ELMO1: variants seen among roughly 807,000 people sequenced by gnomAD.
The protein encoded by ELMO1 is engulfment and cell motility 1.
A neutral mutation model predicts 98.9 loss-of-function variants in ELMO1; 26 were observed. That is an observed-to-expected ratio of 0.26 (90% CI 0.19 to 0.36). The LOEUF (loss-of-function observed/expected upper bound fraction) is 0.36. Among genes scored for constraint, ELMO1 ranks in the 10% least tolerant of loss-of-function variants. ELMO1 has a pLI of 1.00. For missense variants in ELMO1, 627 were observed against 935.2 expected, an observed-to-expected ratio of 0.67 and a Z score of 4.30; for synonymous variants, 346 against 346.0, an observed-to-expected ratio of 1.00 and a Z score of 0.00.
chr7:37,404,904 C>T (rs1803689515), intron 1 of ELMO1, among the ~76,000 whole-genome samples: 1 of 152,152 alleles, frequency 6.6e-6, no homozygotes, highest in African/African-American at 2.4e-5. Flanking sequence ...ATCCTTTCCC[C>T]TCTTTGTTCC....
rs1013262417 is a variant in ELMO1, at chr7:36,853,138, C to G, written c.*2413G>C. 6.6e-6 allele frequency among the ~76,000 whole-genome samples: 1 copy of G among 152,138 alleles called. No homozygotes were observed. Among genetic ancestry groups the G allele is most frequent in the Non-Finnish European group, 1.5e-5 (1 of 68,032 alleles). ...AGGTGAGGTGGCCAAATATGGGCAA[C>G]AATCCTTCCCCACATGGTCACAAAA... On this transcript the variant is annotated 3_prime_UTR_variant, in exon 22 of 22. Coordinates refer to ENST00000310758, the MANE Select transcript of ELMO1 (RefSeq NM_014800.11).
chr7:36,925,257 C>A, intron 16 of ELMO1, among the ~76,000 whole-genome samples: 1 of 152,192 alleles, frequency 6.6e-6, no homozygotes, highest in South Asian at 2.1e-4. Context: ...AAAAATAAAA[C>A]CATTTTTATA....
At position 36,855,482 on chromosome 7, in the gene ELMO1, G is replaced by T; in HGVS notation, c.*69C>A. 1 of 1,596,284 alleles carries T rather than the reference G, an allele frequency of 6.3e-7. No homozygotes were observed. On this transcript the variant is annotated 3_prime_UTR_variant, in exon 22 of 22. Transcript: ENST00000310758. This position sits in a 1 kb window ranked among gnomAD's most constrained non-coding sequence, Gnocchi z 4.2. ...AAGGACGGTTCCAAGGCGTGGGTGT[G>T]TTTTCATTCCTCTCTCCTGTTAGCT...
chr7:37,134,425 GGC>G (rs1391048010), intron 13 of ELMO1, among the ~76,000 whole-genome samples: 11 of 151,968 alleles, frequency 7.2e-5, no homozygotes, highest in Non-Finnish European at 1.5e-5. Context: ...TGGGTGTGGT[GGC>G]GCGCGCCTGT....
intron 7 of ELMO1, among the ~76,000 whole-genome samples, chr7:37,239,780 C>A (rs1175489019): frequency 6.6e-6 from 1 of 152,172 alleles, no homozygotes; most frequent in Non-Finnish European, 1.5e-5. Context: ...AGAGGAATCC[C>A]ATAATGGGTA....
intron 4 of ELMO1, among the ~76,000 whole-genome samples, chr7:37,307,271 G>A (rs959960385): frequency 5.3e-5 from 8 of 152,128 alleles, no homozygotes; most frequent in Admixed American, 2.0e-4. Flanking sequence ...CCCACGTGCC[G>A]ATGGGAGGTA....
At chr7:36,899,275 T>C (rs1806297057) in intron 16 of ELMO1, among the ~76,000 whole-genome samples, 1 of 152,138 alleles carries the variant, frequency 6.6e-6, no homozygotes, top group African/African-American at 2.4e-5. Context: ...TGAAGGAATT[T>C]GATAATATAA....
chr7:37,098,334 T>A (rs1289667082), intron 14 of ELMO1, among the ~76,000 whole-genome samples: 1 of 152,174 alleles, frequency 6.6e-6, no homozygotes, highest in African/African-American at 2.4e-5. Flanking sequence ...TCATTCTAAT[T>A]GAAGGACACA....
chr7:36,912,893 T>C (rs1298855427), intron 16 of ELMO1, among the ~76,000 whole-genome samples: 2 of 152,212 alleles, frequency 1.3e-5, no homozygotes, highest in Non-Finnish European at 2.9e-5. Flanking sequence ...TCAATAAATA[T>C]TAGTTTCCTC....
At position 37,225,047 on chromosome 7, in the gene ELMO1, G is replaced by C; in HGVS notation, c.550-17C>G. On this transcript the variant is annotated splice_polypyrimidine_tract_variant and intron_variant, in intron 8 of 21. Transcript: ENST00000310758. ...ACTTGCTATCTGAAAATCCAAGTGG[G>C]ACACAATTGACTGCTCGTGGTAAGT... 1.2e-6 allele frequency: 2 copies of C among 1,613,916 alleles called. No homozygotes were observed. Among genetic ancestry groups the C allele is most frequent in the East Asian group, 2.2e-5 (1 of 44,860 alleles).
chr7:37,215,913 T>C (rs971686372), intron 11 of ELMO1, among the ~76,000 whole-genome samples: 66 of 152,336 alleles, frequency 4.3e-4, no homozygotes, highest in Middle Eastern at 6.9e-3. Context: ...GACCAAGTGT[T>C]TTTAACTGTA....
chr7:37,418,156 A>C (rs1047437807), intron 1 of ELMO1, among the ~76,000 whole-genome samples: 4 of 152,132 alleles, frequency 2.6e-5, no homozygotes. Context: ...TCCTGCCTCC[A>C]TTTTCTTTCC....
At chr7:37,312,151 G>T (rs1249324667) in intron 4 of ELMO1, among the ~76,000 whole-genome samples, 1 of 152,184 alleles carries the variant, frequency 6.6e-6, no homozygotes, top group Non-Finnish European at 1.5e-5. Context: ...GGAGTGCAGT[G>T]GTACAGTCTT....
intron 15 of ELMO1, among the ~76,000 whole-genome samples, chr7:37,043,013 A>T (rs74336212): frequency 6.6e-6 from 1 of 152,226 alleles, no homozygotes; most frequent in Non-Finnish European, 1.5e-5. Flanking sequence ...GTAGTTCATT[A>T]TCGTGTCCAC....
At chr7:37,203,844 G>A (rs1792441585) in intron 13 of ELMO1, among the ~76,000 whole-genome samples, 1 of 152,116 alleles carries the variant, frequency 6.6e-6, no homozygotes, top group Non-Finnish European at 1.5e-5. Flanking sequence ...TCCCAGAGCT[G>A]AATGGCTTTC....
chr7:37,383,390 T>C (rs1420872587), intron 1 of ELMO1, among the ~76,000 whole-genome samples: 1 of 152,244 alleles, frequency 6.6e-6, no homozygotes, highest in African/African-American at 2.4e-5. Context: ...TTGGCAGACC[T>C]ATCACGGGAG....
chr7:36,927,370 C>T (rs752323235), intron 16 of ELMO1, among the ~76,000 whole-genome samples: 10 of 152,194 alleles, frequency 6.6e-5, no homozygotes, highest in Admixed American at 1.3e-4. Context: ...TAACCTAATG[C>T]TTCTCGAACT....
chr7:37,220,982 G>C (rs1563085427), intron 10 of ELMO1, among the ~76,000 whole-genome samples: 1 of 152,158 alleles, frequency 6.6e-6, no homozygotes, highest in Non-Finnish European at 1.5e-5. Context: ...CACGGTGAGA[G>C]CTTCCAGACA....
chr7:37,189,102 T>C (rs1473280440), intron 13 of ELMO1, among the ~76,000 whole-genome samples: 1 of 152,232 alleles, frequency 6.6e-6, no homozygotes, highest in East Asian at 1.9e-4. Flanking sequence ...AACATATACA[T>C]TCAAAAATAA....
Sources: allele counts gnomAD v4.1 joint callset (sites outside exome capture counted in the v4.1 genomes callset), GRCh38; gene constraint gnomAD v4.1.1; non-coding constraint Gnocchi (gnomAD v3.1); transcripts MANE v1.5; gene names NCBI Gene and HGNC (gene_info 2026-07-23, HGNC 2026-07-21).